TSHZ2: variants seen among roughly 807,000 people sequenced by gnomAD.
The protein encoded by TSHZ2 is teashirt zinc finger homeobox 2, also known as teashirt homolog 2.
In TSHZ2, 21 loss-of-function variants were observed where a neutral mutation model predicts 74.4. That is an observed-to-expected ratio of 0.28 (90% CI 0.20 to 0.41). The LOEUF (loss-of-function observed/expected upper bound fraction) is 0.41, where lower values mean the gene tolerates loss of function less well. Among genes scored for constraint, TSHZ2 ranks in the 10% least tolerant of loss-of-function variants. The probability of loss-of-function intolerance (pLI) is 1.00; values close to 1 mark genes in which losing one functional copy is unlikely to be tolerated. For synonymous variants in TSHZ2, 540 were observed against 515.3 expected (o/e 1.05, Z -0.65); for missense variants, 1,244 against 1,293.5 (o/e 0.96, Z 0.59).
chr20:53,379,416 A>G (rs1981780770), intron 2 of TSHZ2, among the ~76,000 whole-genome samples: 1 of 152,198 alleles, frequency 6.6e-6, no homozygotes. Context: ...AAGGCTCACA[A>G]TAAATGTAGA....
At chr20:53,396,140 T>C (rs551900845) in intron 2 of TSHZ2, among the ~76,000 whole-genome samples, 80 of 152,340 alleles carry the variant, frequency 5.3e-4, no homozygotes, top group African/African-American at 1.8e-3. Context: ...GGTTTCACCA[T>C]GTTAGCCAGG....
chr20:53,401,414 G>A (rs1982653087), intron 2 of TSHZ2, among the ~76,000 whole-genome samples: 1 of 151,948 alleles, frequency 6.6e-6, no homozygotes, highest in Non-Finnish European at 1.5e-5. Flanking sequence ...TATTTCAATA[G>A]GTTTTGGGGG....
intron 2 of TSHZ2, among the ~76,000 whole-genome samples, chr20:53,363,404 C>T (rs1040390185): frequency 6.6e-6 from 1 of 152,150 alleles, no homozygotes; most frequent in Admixed American, 6.5e-5. Context: ...CTCCAGACAC[C>T]GTCAAGATTT....
chr20:53,148,574 C>CCA (rs1345428735), intron 1 of TSHZ2, among the ~76,000 whole-genome samples: 1 of 151,852 alleles, frequency 6.6e-6, no homozygotes, highest in Non-Finnish European at 1.5e-5. Context: ...AAATCAGGAC[C>CCA]CCAAGTGGAT....
intron 1 of TSHZ2, among the ~76,000 whole-genome samples, chr20:53,068,015 C>G (rs1404821855): frequency 6.6e-6 from 1 of 152,140 alleles, no homozygotes; most frequent in Non-Finnish European, 1.5e-5. Context: ...TACATGGCTC[C>G]CTTCCCCTGT....
At chr20:53,178,521 GC>G (rs1338446743) in intron 1 of TSHZ2, 1 of 152,208 alleles carries the variant, frequency 6.6e-6, no homozygotes, top group Non-Finnish European at 1.5e-5. Context: ...TTTGGCCAAA[GC>G]TTTTTTGGGG....
At chr20:53,065,337 CT>C (rs1239435451) in intron 1 of TSHZ2, among the ~76,000 whole-genome samples, 1 of 152,120 alleles carries the variant, frequency 6.6e-6, no homozygotes, top group Non-Finnish European at 1.5e-5. Context: ...TCTTTCTGTG[CT>C]TTAGTCATTC....
At chr20:53,311,359 G>A (rs1174568477) in intron 2 of TSHZ2, among the ~76,000 whole-genome samples, 1 of 152,200 alleles carries the variant, frequency 6.6e-6, no homozygotes, top group Non-Finnish European at 1.5e-5. Context: ...AAACCATCCT[G>A]CCTCAATATA....
intron 1 of TSHZ2, among the ~76,000 whole-genome samples, chr20:53,161,491 A>T (rs1987939117): frequency 6.6e-6 from 1 of 152,236 alleles, no homozygotes; most frequent in Non-Finnish European, 1.5e-5. Context: ...TAATTTATAA[A>T]GGAAAGAGAT....
rs755736552 is a variant in TSHZ2 at position 53,489,217 on chromosome 20, ATAT to A, written c.*2087_*2089del. 5 of 455,390 alleles carry A rather than the reference ATAT, an allele frequency of 1.1e-5. No homozygotes were observed. Among genetic ancestry groups the A allele is most frequent in the Non-Finnish European group, 2.2e-5 (5 of 226,466 alleles). 28.2% of individuals were successfully genotyped at this position (455,390 alleles called of 1,614,324 possible). On this transcript the variant is annotated 3_prime_UTR_variant, in exon 3 of 3. Transcript: ENST00000371497. ...TTCTGACATGAAAAGCAAGGTGCTG[ATAT>A]TATTTTTTATGATGGGAGGATCATA...
intron 1 of TSHZ2, among the ~76,000 whole-genome samples, chr20:53,042,812 T>C (rs934470880): frequency 6.6e-6 from 1 of 152,058 alleles, no homozygotes; most frequent in African/African-American, 2.4e-5. Context: ...TTGTTATAAG[T>C]GCATATGTTT....
In TSHZ2 at chr20:52,998,365, C is replaced by T. The variant is rs542567265; in HGVS notation, c.40+25032C>T. 1.0e-3 allele frequency among the ~76,000 whole-genome samples: 157 copies of T among 152,290 alleles called. 1 individual carries two copies. In the South Asian group the frequency reaches 0.012, roughly 11 times the overall value. ...TGTATTTTCAGTAGAGACCGGGTTT[C>T]GCCATGTTGGCCAGGCTGGTCTCGA... On this transcript the variant is annotated intron_variant, in intron 1 of 2. Transcript: ENST00000371497.
chr20:53,116,781 T>C (rs911739537), intron 1 of TSHZ2, among the ~76,000 whole-genome samples: 8 of 152,188 alleles, frequency 5.3e-5, no homozygotes, highest in African/African-American at 1.7e-4. Context: ...ATTTTTTAAT[T>C]CTGCCAACGA....
At chr20:53,017,075 A>G (rs973878985) in intron 1 of TSHZ2, among the ~76,000 whole-genome samples, 1 of 152,184 alleles carries the variant, frequency 6.6e-6, no homozygotes, top group Non-Finnish European at 1.5e-5. Flanking sequence ...AACATTAGTC[A>G]TCATCATATT....
intron 2 of TSHZ2, among the ~76,000 whole-genome samples, chr20:53,414,578 ACT>A (rs1983170307): frequency 1.3e-5 from 2 of 151,884 alleles, no homozygotes; most frequent in African/African-American, 4.8e-5. Flanking sequence ...GGATGGCATG[ACT>A]CTTTTGCCAG....
chr20:53,162,887 TTATAAA>T (rs1987976129), intron 1 of TSHZ2, among the ~76,000 whole-genome samples: 1 of 152,346 alleles, frequency 6.6e-6, no homozygotes, highest in Admixed American at 6.5e-5. Context: ...CCTTCGTCAG[TTATAAA>T]TATAACATCT....
chr20:53,291,453 A>T (rs1568854602), intron 2 of TSHZ2, among the ~76,000 whole-genome samples: 1 of 144,972 alleles, frequency 6.9e-6, no homozygotes, highest in African/African-American at 2.6e-5. Context: ...GGCCTGGACG[A>T]TAGAGCAAGA....
intron 2 of TSHZ2, among the ~76,000 whole-genome samples, chr20:53,480,850 A>G (rs1188051097): frequency 6.6e-6 from 1 of 152,222 alleles, no homozygotes; most frequent in East Asian, 1.9e-4. Flanking sequence ...AAAGGCTGGC[A>G]TGGCCAAATT....
intron 2 of TSHZ2, among the ~76,000 whole-genome samples, chr20:53,381,263 T>C (rs1376537744): frequency 6.6e-6 from 1 of 152,256 alleles, no homozygotes. Flanking sequence ...GCAGTTCTAC[T>C]GTACATCAGG....
Sources: gnomAD v4.1 joint callset for allele counts (sites outside exome capture counted in the v4.1 genomes callset) on GRCh38, gnomAD v4.1.1 for gene constraint, MANE v1.5 for transcripts, NCBI Gene and HGNC (gene_info 2026-07-23, HGNC 2026-07-21) for gene names.